GALNT13: variants seen among roughly 807,000 people sequenced by gnomAD.
GALNT13 encodes the protein UDP-GalNAc:polypeptide N-acetylgalactosaminyltransferase 13.
GALNT13 carries 28 observed loss-of-function variants against 64.2 expected under a neutral mutation model. The ratio of observed to expected loss-of-function variants is 0.44; its 90% CI spans 0.32 to 0.60. The LOEUF is 0.60. Among genes scored for constraint, GALNT13 ranks in the 20% least tolerant of loss-of-function variants. The pLI, the probability that GALNT13 is intolerant of heterozygous loss-of-function variation, is 0.05. For missense variants in GALNT13, 577 were observed against 669.8 expected (o/e 0.86, Z 1.53); for synonymous variants, 214 against 224.6 (o/e 0.95, Z 0.42).
At chr2:153,954,947 G>A (rs1006874505) in intron 3 of GALNT13, among the ~76,000 whole-genome samples, 36 of 151,622 alleles carry the variant, frequency 2.4e-4, no homozygotes, top group African/African-American at 7.5e-4. Flanking sequence ...ATACAAACAC[G>A]AGTATTTCTG....
chr2:154,103,058 G>C (rs2105468161), intron 3 of GALNT13, among the ~76,000 whole-genome samples: 1 of 151,912 alleles, frequency 6.6e-6, no homozygotes, highest in African/African-American at 2.4e-5. Flanking sequence ...TATATCTCTA[G>C]CAAGATCAAG....
chr2:154,180,670 T>C (rs1685912060), intron 4 of GALNT13, among the ~76,000 whole-genome samples: 1 of 152,122 alleles, frequency 6.6e-6, no homozygotes, highest in African/African-American at 2.4e-5. Flanking sequence ...ACCTTCTTTT[T>C]CTAAATTAAA....
At chr2:154,320,264 G>T (rs1694552929) in intron 9 of GALNT13, among the ~76,000 whole-genome samples, 3 of 152,066 alleles carry the variant, frequency 2.0e-5, no homozygotes, top group African/African-American at 7.2e-5. Context: ...TTTCTTCATT[G>T]TCAAGGGAGA....
At chr2:153,356,786 C>CTT in the GALNT13 span, among the ~76,000 whole-genome samples, 66 of 32,804 alleles carry the variant, frequency 2.0e-3, 9 homozygotes, top group Non-Finnish European at 2.5e-3. Flanking sequence ...TTTTCTTCTT[C>CTT]CTCTTTTTTT....
At chr2:153,256,404 T>A in the GALNT13 span, among the ~76,000 whole-genome samples, 1 of 152,150 alleles carries the variant, frequency 6.6e-6, no homozygotes, top group Non-Finnish European at 1.5e-5. Context: ...TCTTTGCCTT[T>A]GGTTTGAATG....
chr2:154,293,806 G>A (rs1484844472), intron 8 of GALNT13, among the ~76,000 whole-genome samples: 1 of 152,034 alleles, frequency 6.6e-6, no homozygotes, highest in East Asian at 1.9e-4. Flanking sequence ...TAGTCATTGT[G>A]GACTCCACTC....
At chr2:153,588,341 C>T in the GALNT13 span, among the ~76,000 whole-genome samples, 1 of 152,210 alleles carries the variant, frequency 6.6e-6, no homozygotes, top group Non-Finnish European at 1.5e-5. Flanking sequence ...CAGAGGTTCT[C>T]CATGAGGGCA....
At chr2:153,909,942 A>G (rs982637918) in intron 2 of GALNT13, among the ~76,000 whole-genome samples, 1 of 152,200 alleles carries the variant, frequency 6.6e-6, no homozygotes, top group Non-Finnish European at 1.5e-5. Flanking sequence ...TGCTGGCCTC[A>G]TAGAATGAGT....
chr2:153,768,862 T>C, the GALNT13 span, among the ~76,000 whole-genome samples: 3 of 152,190 alleles, frequency 2.0e-5, no homozygotes, highest in Non-Finnish European at 4.4e-5. Flanking sequence ...CAAGACTCCA[T>C]CTAAATAAAA....
intron 3 of GALNT13, among the ~76,000 whole-genome samples, chr2:154,041,362 G>A (rs1698966223): frequency 7.1e-6 from 1 of 140,348 alleles, no homozygotes; most frequent in African/African-American, 2.4e-5. Flanking sequence ...ATTTTTTAGA[G>A]AGAGAAAATC....
chr2:154,119,126 T>C (rs1440506429), intron 3 of GALNT13, among the ~76,000 whole-genome samples: 3 of 152,154 alleles, frequency 2.0e-5, no homozygotes, highest in East Asian at 3.9e-4. Context: ...CTAGTGATGT[T>C]ATACTCCCTT....
chr2:153,431,082 G>A, the GALNT13 span, among the ~76,000 whole-genome samples: 415 of 151,400 alleles, frequency 2.7e-3, 19 homozygotes, highest in East Asian at 0.073. Context: ...CCTGGGAGGC[G>A]GAGGTTGCAG....
the GALNT13 span, among the ~76,000 whole-genome samples, chr2:153,784,367 A>G: frequency 1.3e-5 from 2 of 152,198 alleles, no homozygotes; most frequent in African/African-American, 4.8e-5. Flanking sequence ...TTTGAACTTG[A>G]AAGAGATGAT....
chr2:153,830,755 G>A, the GALNT13 span, among the ~76,000 whole-genome samples: 1 of 152,034 alleles, frequency 6.6e-6, no homozygotes, highest in African/African-American at 2.4e-5. Flanking sequence ...TTGTTCCTAG[G>A]TATCATTATC....
chr2:153,616,844 A>C, the GALNT13 span, among the ~76,000 whole-genome samples: 1 of 151,988 alleles, frequency 6.6e-6, no homozygotes, highest in Non-Finnish European at 1.5e-5. Context: ...GATTTTTCCA[A>C]ATATAACTCT....
At chr2:153,676,416 A>T in the GALNT13 span, among the ~76,000 whole-genome samples, 1 of 152,070 alleles carries the variant, frequency 6.6e-6, no homozygotes, top group Non-Finnish European at 1.5e-5. Context: ...CAGATTCATA[A>T]CTGAATTCTA....
At chr2:154,108,374 T>G (rs1272152349) in intron 3 of GALNT13, among the ~76,000 whole-genome samples, 3 of 152,232 alleles carry the variant, frequency 2.0e-5, no homozygotes, top group Non-Finnish European at 4.4e-5. Flanking sequence ...ATTGAGTATT[T>G]TTTATATTTC....
the GALNT13 span, among the ~76,000 whole-genome samples, chr2:153,290,699 T>A: frequency 6.6e-6 from 1 of 152,334 alleles, no homozygotes; most frequent in South Asian, 2.1e-4. Context: ...CTTTAAAAAT[T>A]CCTACATATT....
the GALNT13 span, among the ~76,000 whole-genome samples, chr2:153,186,691 G>A: frequency 1.1e-4 from 17 of 151,674 alleles, no homozygotes; most frequent in East Asian, 1.9e-4. Context: ...CTCAGCCTCC[G>A]GAGTGACTGG....
Sources: gnomAD v4.1 joint callset for allele counts (sites outside exome capture counted in the v4.1 genomes callset) on GRCh38, gnomAD v4.1.1 for gene constraint, MANE v1.5 for transcripts, NCBI Gene and HGNC (gene_info 2026-07-23, HGNC 2026-07-21) for gene names.